The following C3orf80 variants were observed in gnomAD, a reference collection of about 807,000 sequenced individuals.
C3orf80 encodes the protein uncharacterized membrane protein C3orf80.
Under a neutral mutation model 15.8 loss-of-function variants are expected in C3orf80, and 10 were observed. The ratio of observed to expected loss-of-function variants is 0.63; its 90% CI spans 0.39 to 1.07. C3orf80 has a LOEUF of 1.07. Among genes scored for constraint, C3orf80 ranks in the 50% least tolerant of loss-of-function variants. The probability of loss-of-function intolerance (pLI) is 0.01; values close to 1 mark genes in which losing one functional copy is unlikely to be tolerated. For synonymous variants in C3orf80, 183 were observed against 192.0 expected, an observed-to-expected ratio of 0.95 and a Z score of 0.39; for missense variants, 364 against 379.3, an observed-to-expected ratio of 0.96 and a Z score of 0.34.
chr3:160,226,287 G>T lies in C3orf80; in HGVS notation c.652G>T (p.Glu218Ter). Residue 218 changes from glutamate to a stop codon, truncating the protein, a stop_gained, in exon 1 of 1, where the codon GAG becomes TAG. Transcript: ENST00000326474. LOFTEE classifies it high-confidence loss of function. This position sits in a 1 kb window ranked among gnomAD's most constrained non-coding sequence, Gnocchi z 5.2. ...GCGGCTGCAGCAGCTCAGCCCCGGG[G>T]AGGTCGTGCTGCCAGTGTCGGTGCT... ...SMRLQQLSPG[E>*]VVLPVSVLGR... is the part of the protein sequence containing the mutation. 6.6e-7 allele frequency: 1 copy of T among 1,519,732 alleles called. No individual in the cohort carries two copies. Among genetic ancestry groups the T allele is most frequent in the South Asian group, 1.2e-5 (1 of 82,482 alleles). 94.1% of individuals were successfully genotyped at this position (1,519,732 alleles called of 1,614,324 possible).
rs1157324500 is a variant in C3orf80, at chr3:160,226,630, C to T, written c.*251C>T. 1 of 453,896 alleles carries T rather than the reference C, an allele frequency of 2.2e-6. No individual in the cohort carries two copies. 28.1% of individuals were successfully genotyped at this position (453,896 alleles called of 1,614,324 possible). A position where few individuals can be genotyped will look rare whatever the true frequency, so the allele number is the denominator to read the frequency against. Reference sequence around the variant, plus strand: ...GGCTGCAGCAGGCGACCCTCCAGCGCACCTTCGAAGGACGTCCCTGCCCTC... The same window carrying T: ...GGCTGCAGCAGGCGACCCTCCAGCGTACCTTCGAAGGACGTCCCTGCCCTC... On this transcript the variant is annotated 3_prime_UTR_variant, in exon 1 of 1. Coordinates refer to ENST00000326474, the MANE Select transcript of C3orf80 (RefSeq NM_001168214.2). This position sits in a 1 kb window ranked among gnomAD's most constrained non-coding sequence, Gnocchi z 5.2.
Position 160,225,733 on chromosome 3 carries a change from C to A in C3orf80, c.98C>A (p.Ala33Glu). 2 of 1,361,376 alleles carry A rather than the reference C, an allele frequency of 1.5e-6. No individual in the cohort carries two copies. The highest frequency in any genetic ancestry group is 1.5e-5 in the African/African-American group (1 of 65,420). 84.3% of individuals were successfully genotyped at this position (1,361,376 alleles called of 1,614,324 possible). The change falls in exon 1 of 1, where the codon GCG becomes GAG. Residue 33 changes from alanine to glutamate, a missense_variant. Transcript: ENST00000326474. The surrounding 1 kb of genome is among the most constrained non-coding windows in gnomAD (Gnocchi z 5.6). ...LLLLLALALVAPSRGGGGCAE... is the reference protein window; with the variant it reads ...LLLLLALALVEPSRGGGGCAE... ...CTACTGCTGGCGCTGGCGCTGGTGG[C>A]GCCCTCGCGGGGCGGCGGGGGCTGC...
chr3:160,225,966 C>G lies in C3orf80; in HGVS notation c.331C>G (p.Arg111Gly). 2 of 1,384,316 alleles carry G rather than the reference C, an allele frequency of 1.4e-6. No individual in the cohort carries two copies. Among genetic ancestry groups the G allele is most frequent in the Non-Finnish European group, 1.9e-6 (2 of 1,066,494 alleles). The allele number at this position is 1,384,316 out of a possible 1,614,324, so 85.8% of individuals were successfully genotyped here. ...IICPSPRRYP[R>G]GQARPGQRPG... is the part of the protein sequence containing the mutation. ...CTGCCCCAGTCCACGCAGGTACCCG[C>G]GCGGCCAGGCGCGCCCGGGACAGCG... Residue 111 changes from arginine to glycine, a missense_variant, in exon 1 of 1, where the codon CGC becomes GGC. By Grantham distance (125) the Arg-to-Gly change is moderately radical. Transcript: ENST00000326474. This position sits in a 1 kb window ranked among gnomAD's most constrained non-coding sequence, Gnocchi z 5.6.
chr3:160,227,274 G>A lies in C3orf80; in HGVS notation c.*895G>A, dbSNP rs955478561. 7.9e-5 allele frequency: 12 copies of A among 151,992 alleles called. No individual in the cohort carries two copies. The highest frequency in any genetic ancestry group is 2.7e-4 in the African/African-American group (11 of 41,364). The allele number at this position is 151,992 out of a possible 1,614,324, so 9.4% of individuals were successfully genotyped here. ...AAATTGCCCATACTCTGTCATTATT[G>A]TTTAATAAATCATTAAATTATTTCA... On this transcript the variant is annotated 3_prime_UTR_variant, in exon 1 of 1. Coordinates refer to ENST00000326474, the MANE Select transcript of C3orf80 (RefSeq NM_001168214.2).
At position 160,226,058 on chromosome 3, in the gene C3orf80, G is replaced by T; in HGVS notation, c.423G>T (p.Ser141=). 6.9e-7 allele frequency: 1 copy of T among 1,439,672 alleles called. No individual in the cohort carries two copies. 89.2% of individuals were successfully genotyped at this position (1,439,672 alleles called of 1,614,324 possible). The part of the protein sequence containing the change: ...GAGPPDDDDD[S]PALLRDEAAA... The stretch of plus-strand genomic sequence containing the variant: ...GGCCGCCCGACGACGACGACGACTC[G>T]CCCGCTCTGCTGCGCGACGAGGCGG... The change falls in exon 1 of 1, where the codon TCG becomes TCT. Residue 141 remains serine (S), a synonymous_variant. Transcript: ENST00000326474. This position sits in a 1 kb window ranked among gnomAD's most constrained non-coding sequence, Gnocchi z 5.2.
Position 160,226,158 on chromosome 3 carries a change from CCCTCCTGCGCCT to C in C3orf80, c.525_536del (p.Ser176_Ser179del). Reference sequence around the variant, plus strand: ...CCGGGGAGGCGGCGGGCGCTCGGACCCCTCCTGCGCCTCAGAGCACGAGATGCGTGTAGTGTC... The same window carrying C: ...CCGGGGAGGCGGCGGGCGCTCGGACCCAGAGCACGAGATGCGTGTAGTGTC... On this transcript the variant is annotated inframe_deletion, in exon 1 of 1. Coordinates refer to ENST00000326474, the MANE Select transcript of C3orf80 (RefSeq NM_001168214.2). This position sits in a 1 kb window ranked among gnomAD's most constrained non-coding sequence, Gnocchi z 5.2. 1.3e-6 allele frequency: 2 copies of C among 1,524,272 alleles called. No homozygotes were observed. The highest frequency in any genetic ancestry group is 1.8e-6 in the Non-Finnish European group (2 of 1,142,090). The allele number at this position is 1,524,272 out of a possible 1,614,324, so 94.4% of individuals were successfully genotyped here.
chr3:160,226,330 G>C lies in C3orf80; in HGVS notation c.695G>C (p.Gly232Ala). ...TCGGTGCTTGGCCGCCCTCGAGGCG[G>C]GGTCGCCGCGGAGCCCGACGGCGGC... ...PVSVLGRPRG[G>A]VAAEPDGGEG... is the part of the protein sequence containing the mutation. The change falls in exon 1 of 1, where the codon GGG (glycine) becomes GCG (alanine). Residue 232 changes from glycine (G) to alanine (A), a missense_variant. Coordinates refer to ENST00000326474, the MANE Select transcript of C3orf80 (RefSeq NM_001168214.2). This position sits in a 1 kb window ranked among gnomAD's most constrained non-coding sequence, Gnocchi z 5.2. 1 of 1,502,468 alleles carries C rather than the reference G, an allele frequency of 6.7e-7. No individual in the cohort carries two copies. The highest frequency in any genetic ancestry group is 1.2e-5 in the South Asian group (1 of 80,504). The allele number at this position is 1,502,468 out of a possible 1,614,324, so 93.1% of individuals were successfully genotyped here.
rs935559675 is a variant in C3orf80, at chr3:160,227,824, A to G, written c.*1445A>G. On this transcript the variant is annotated 3_prime_UTR_variant, in exon 1 of 1. Transcript: ENST00000326474. Reference sequence around the variant, plus strand: ...TATACACATTGTTTATAATATTGTTATTACAGTTTGTCATTCACCTGAAAG... The same window carrying G: ...TATACACATTGTTTATAATATTGTTGTTACAGTTTGTCATTCACCTGAAAG... The G allele has an allele frequency of 9.2e-5, 14 of 152,216 alleles. No homozygotes were observed. Among genetic ancestry groups the G allele is most frequent in the African/African-American group, 3.4e-4 (14 of 41,450 alleles). 9.4% of individuals were successfully genotyped at this position (152,216 alleles called of 1,614,324 possible).
Position 160,225,616 on chromosome 3 carries a change from A to G in C3orf80, c.-20A>G, listed in dbSNP as rs1049800212. 1.5e-5 allele frequency: 20 copies of G among 1,314,956 alleles called. No homozygotes were observed. In the Admixed American group the frequency reaches 1.6e-4, roughly 11 times the overall value. 81.5% of individuals were successfully genotyped at this position (1,314,956 alleles called of 1,614,324 possible). A position where few individuals can be genotyped will look rare whatever the true frequency, so the allele number is the denominator to read the frequency against. On this transcript the variant is annotated 5_prime_UTR_variant, in exon 1 of 1. Transcript: ENST00000326474. The surrounding 1 kb of genome is among the most constrained non-coding windows in gnomAD (Gnocchi z 5.6). ...TCCCCAGCCTCCCGTCCCGGACGTT[A>G]GCCGAGGTCTGCGCGGGCCATGTGG...
In C3orf80 at chr3:160,226,850, G is replaced by T; in HGVS notation, c.*471G>T. ...GGGCAGAGGGCGAGGAGCCGTTGAG[G>T]ACCAGCCGCGACCAGGGACTGCTGC... On this transcript the variant is annotated 3_prime_UTR_variant, in exon 1 of 1. Coordinates refer to ENST00000326474, the MANE Select transcript of C3orf80 (RefSeq NM_001168214.2). The surrounding 1 kb of genome is among the most constrained non-coding windows in gnomAD (Gnocchi z 5.2). The T allele has an allele frequency of 6.5e-6, 1 of 154,216 alleles. No homozygotes were observed. The highest frequency in any genetic ancestry group is 1.4e-5 in the Non-Finnish European group (1 of 69,438). 9.6% of individuals were successfully genotyped at this position (154,216 alleles called of 1,614,324 possible).
Position 160,225,746 on chromosome 3 carries a change from C to G in C3orf80, c.111C>G (p.Gly37=). 2 of 1,366,026 alleles carry G rather than the reference C, an allele frequency of 1.5e-6. No individual in the cohort carries two copies. Among genetic ancestry groups the G allele is most frequent in the Non-Finnish European group, 1.9e-6 (2 of 1,069,262 alleles). The allele number at this position is 1,366,026 out of a possible 1,614,324, so 84.6% of individuals were successfully genotyped here. Residue 37 remains glycine (G), a synonymous_variant, in exon 1 of 1, where the codon GGC becomes GGG. Coordinates refer to ENST00000326474, the MANE Select transcript of C3orf80 (RefSeq NM_001168214.2). This position sits in a 1 kb window ranked among gnomAD's most constrained non-coding sequence, Gnocchi z 5.6. ...TGGCGCTGGTGGCGCCCTCGCGGGG[C>G]GGCGGGGGCTGCGCTGAGCTGGCGT... ...LALALVAPSR[G]GGGCAELACG... is the part of the protein sequence containing the mutation.
chr3:160,225,754 G>A lies in C3orf80; in HGVS notation c.119G>A (p.Gly40Asp), dbSNP rs1032965377. The part of the protein sequence containing the change: ...ALVAPSRGGG[G>D]CAELACGERE... Reference sequence around the variant, plus strand: ...GTGGCGCCCTCGCGGGGCGGCGGGGGCTGCGCTGAGCTGGCGTGCGGCGAG... The same window carrying A: ...GTGGCGCCCTCGCGGGGCGGCGGGGACTGCGCTGAGCTGGCGTGCGGCGAG... The change falls in exon 1 of 1, where the codon GGC becomes GAC. Residue 40 changes from glycine to aspartate, a missense_variant. Physicochemically the swap from Gly to Asp is moderately conservative, Grantham distance 94 (BLOSUM62 -1). Coordinates refer to ENST00000326474, the MANE Select transcript of C3orf80 (RefSeq NM_001168214.2). The surrounding 1 kb of genome is among the most constrained non-coding windows in gnomAD (Gnocchi z 5.6). The A allele has an allele frequency of 7.2e-7, 1 of 1,398,240 alleles. No homozygotes were observed. Among genetic ancestry groups the A allele is most frequent in the South Asian group, 1.6e-5 (1 of 63,296 alleles). 86.6% of individuals were successfully genotyped at this position (1,398,240 alleles called of 1,614,324 possible). A position where few individuals can be genotyped will look rare whatever the true frequency, so the allele number is the denominator to read the frequency against.
At position 160,227,912 on chromosome 3, in the gene C3orf80, C is replaced by T. The variant is rs77019431; in HGVS notation, c.*1533C>T. 6 of 152,044 alleles carry T rather than the reference C, an allele frequency of 3.9e-5. No homozygotes were observed. The highest frequency in any genetic ancestry group is 1.3e-4 in the Admixed American group (2 of 15,268). 9.4% of individuals were successfully genotyped at this position (152,044 alleles called of 1,614,324 possible). ...AAGGTGAATGTTGTTATATCAAGAACGATTACACACATGGATCTCATACAT... is the reference window on the plus strand; with the variant it reads ...AAGGTGAATGTTGTTATATCAAGAATGATTACACACATGGATCTCATACAT... On this transcript the variant is annotated 3_prime_UTR_variant, in exon 1 of 1. Transcript: ENST00000326474.
chr3:160,225,516 A>T lies in C3orf80; in HGVS notation c.-120A>T. Reference sequence around the variant, plus strand: ...GGACTGCTCCGGCCGCAGGTAGCTGAGGCGCGGGAGGCGGCGCGCGCGGGA... The same window carrying T: ...GGACTGCTCCGGCCGCAGGTAGCTGTGGCGCGGGAGGCGGCGCGCGCGGGA... On this transcript the variant is annotated 5_prime_UTR_variant, in exon 1 of 1. Coordinates refer to ENST00000326474, the MANE Select transcript of C3orf80 (RefSeq NM_001168214.2). The surrounding 1 kb of genome is among the most constrained non-coding windows in gnomAD (Gnocchi z 5.6). 1 of 970,312 alleles carries T rather than the reference A, an allele frequency of 1.0e-6. No individual in the cohort carries two copies. Among genetic ancestry groups the T allele is most frequent in the Non-Finnish European group, 1.3e-6 (1 of 749,222 alleles). 60.1% of individuals were successfully genotyped at this position (970,312 alleles called of 1,614,324 possible).
rs1025604448 is a variant in C3orf80, at chr3:160,227,913, G to A, written c.*1534G>A. ...AGGTGAATGTTGTTATATCAAGAAC[G>A]ATTACACACATGGATCTCATACATG... On this transcript the variant is annotated 3_prime_UTR_variant, in exon 1 of 1. Coordinates refer to ENST00000326474, the MANE Select transcript of C3orf80 (RefSeq NM_001168214.2). The A allele has an allele frequency of 5.3e-5, 8 of 152,130 alleles. No homozygotes were observed. The highest frequency in any genetic ancestry group is 1.2e-4 in the Non-Finnish European group (8 of 68,002). The allele number at this position is 152,130 out of a possible 1,614,324, so 9.4% of individuals were successfully genotyped here. A position where few individuals can be genotyped will look rare whatever the true frequency, so the allele number is the denominator to read the frequency against.
Position 160,226,120 on chromosome 3 carries a change from G to A in C3orf80, c.485G>A (p.Gly162Asp). 1 of 1,518,078 alleles carries A rather than the reference G, an allele frequency of 6.6e-7. No individual in the cohort carries two copies. The highest frequency in any genetic ancestry group is 8.8e-7 in the Non-Finnish European group (1 of 1,139,454). 94.0% of individuals were successfully genotyped at this position (1,518,078 alleles called of 1,614,324 possible). A position where few individuals can be genotyped will look rare whatever the true frequency, so the allele number is the denominator to read the frequency against. The stretch of plus-strand genomic sequence containing the variant: ...CAGGACTCACTGCTGGACAGTGGCG[G>A]CGGCGGCCGGGGCCGGGGAGGCGGC... ...GSQDSLLDSG[G>D]GGRGRGGGGR... The change falls in exon 1 of 1, where the codon GGC becomes GAC. Residue 162 changes from glycine to aspartate, a missense_variant. Gly to Asp is a moderately conservative substitution (Grantham distance 94). Transcript: ENST00000326474. The surrounding 1 kb of genome is among the most constrained non-coding windows in gnomAD (Gnocchi z 5.2).
In C3orf80 at chr3:160,226,592, G is replaced by C. The variant is rs1166105167; in HGVS notation, c.*213G>C. The C allele has an allele frequency of 3.8e-6, 2 of 529,806 alleles. No individual in the cohort carries two copies. Among genetic ancestry groups the C allele is most frequent in the Non-Finnish European group, 6.1e-6 (2 of 328,594 alleles). The allele number at this position is 529,806 out of a possible 1,614,324, so 32.8% of individuals were successfully genotyped here. A position where few individuals can be genotyped will look rare whatever the true frequency, so the allele number is the denominator to read the frequency against. On this transcript the variant is annotated 3_prime_UTR_variant, in exon 1 of 1. Coordinates refer to ENST00000326474, the MANE Select transcript of C3orf80 (RefSeq NM_001168214.2). The surrounding 1 kb of genome is among the most constrained non-coding windows in gnomAD (Gnocchi z 5.2). The stretch of plus-strand genomic sequence containing the variant: ...TTCCGTTCAAAGAAACGTGGGGCAC[G>C]CGCGGCGGGTGCGGCTGCAGCAGGC...
Position 160,228,131 on chromosome 3 carries a change from A to T in C3orf80, c.*1752A>T, listed in dbSNP as rs1711525269. The T allele has an allele frequency of 6.6e-6, 1 of 152,198 alleles. No homozygotes were observed. The highest frequency in any genetic ancestry group is 1.5e-5 in the Non-Finnish European group (1 of 68,000). The allele number at this position is 152,198 out of a possible 1,614,324, so 9.4% of individuals were successfully genotyped here. On this transcript the variant is annotated 3_prime_UTR_variant, in exon 1 of 1. Transcript: ENST00000326474. The stretch of plus-strand genomic sequence containing the variant: ...GTTTACTTTAAACTTCTAAAAACTA[A>T]TGACCTTGTGACTAAAGAAAAATCA...
rs2108169872 is a variant in C3orf80, at chr3:160,226,650, G to GCC, written c.*273_*274dup. Reference sequence around the variant, plus strand: ...CAGCGCACCTTCGAAGGACGTCCCTGCCCTCTGCCTTGCCTCGTATTGTGG... The same window carrying GCC: ...CAGCGCACCTTCGAAGGACGTCCCTGCCCCCTCTGCCTTGCCTCGTATTGTGG... On this transcript the variant is annotated 3_prime_UTR_variant, in exon 1 of 1. Coordinates refer to ENST00000326474, the MANE Select transcript of C3orf80 (RefSeq NM_001168214.2). This position sits in a 1 kb window ranked among gnomAD's most constrained non-coding sequence, Gnocchi z 5.2. 1 of 423,608 alleles carries GCC rather than the reference G, an allele frequency of 2.4e-6. No individual in the cohort carries two copies. The highest frequency in any genetic ancestry group is 4.2e-6 in the Non-Finnish European group (1 of 240,128). 26.2% of individuals were successfully genotyped at this position (423,608 alleles called of 1,614,324 possible). A position where few individuals can be genotyped will look rare whatever the true frequency, so the allele number is the denominator to read the frequency against.
Sources: allele counts gnomAD v4.1 joint callset, GRCh38; gene constraint gnomAD v4.1.1; non-coding constraint Gnocchi (gnomAD v3.1); transcripts MANE v1.5; gene names NCBI Gene and HGNC (gene_info 2026-07-23, HGNC 2026-07-21).